FAM135B: variants seen among roughly 807,000 people sequenced by gnomAD.
FAM135B encodes the protein family with sequence similarity 135 member B.
In FAM135B, 43 loss-of-function variants were observed where a neutral mutation model predicts 127.7. The ratio of observed to expected loss-of-function variants is 0.34; its 90% confidence interval spans 0.26 to 0.43. FAM135B has a LOEUF of 0.43. Ranked by LOEUF, FAM135B falls within the 20% of genes least tolerant of loss-of-function variation. FAM135B has a pLI of 1.00. For missense variants in FAM135B, 1,558 were observed against 1,725.6 expected (o/e 0.90, Z 1.72); for synonymous variants, 670 against 665.1 (o/e 1.01, Z -0.11).
chr8:138,302,155 A>C (rs999343528), intron 3 of FAM135B, among the ~76,000 whole-genome samples: 1 of 129,934 alleles, frequency 7.7e-6, no homozygotes, highest in Non-Finnish European at 1.7e-5. Context: ...TATTATTATT[A>C]TTCCCATTTT....
At chr8:138,396,458 G>T (rs1202174986) in intron 1 of FAM135B, among the ~76,000 whole-genome samples, 1 of 152,182 alleles carries the variant, frequency 6.6e-6, no homozygotes, top group African/African-American at 2.4e-5. Context: ...CAGGGCAAGA[G>T]TGGTGTGAAA....
At chr8:138,186,964 T>C (rs1236921501) in intron 9 of FAM135B, among the ~76,000 whole-genome samples, 1 of 152,200 alleles carries the variant, frequency 6.6e-6, no homozygotes, top group African/African-American at 2.4e-5. Flanking sequence ...TCTGTGTCCA[T>C]TTAAAGCAAA....
intron 2 of FAM135B, among the ~76,000 whole-genome samples, chr8:138,316,410 C>T (rs1194086588): frequency 6.6e-6 from 1 of 151,822 alleles, no homozygotes; most frequent in African/African-American, 2.4e-5. Flanking sequence ...GGGAGAATGG[C>T]GTGAACCCGG....
At chr8:138,407,878 CA>C (rs1833615020) in intron 1 of FAM135B, among the ~76,000 whole-genome samples, 1 of 152,096 alleles carries the variant, frequency 6.6e-6, no homozygotes, top group Admixed American at 6.6e-5. Context: ...ACACCAAAAG[CA>C]ATGGCAACAA....
intron 1 of FAM135B, among the ~76,000 whole-genome samples, chr8:138,451,265 T>A (rs1194253073): frequency 6.6e-6 from 1 of 152,204 alleles, no homozygotes; most frequent in Non-Finnish European, 1.5e-5. Flanking sequence ...CCTTTTTGTT[T>A]AAGATGATCA....
At chr8:138,182,553 G>A (rs866305125) in intron 9 of FAM135B, among the ~76,000 whole-genome samples, 20 of 152,186 alleles carry the variant, frequency 1.3e-4, no homozygotes, top group Admixed American at 1.2e-3. Context: ...GCTCTGGGGA[G>A]CCAAACATAA....
At chr8:138,160,650 G>T (rs1368145231) in intron 12 of FAM135B, among the ~76,000 whole-genome samples, 6 of 151,128 alleles carry the variant, frequency 4.0e-5, no homozygotes, top group Admixed American at 2.0e-4. Context: ...CACCCGCCTC[G>T]GCCTCCCAAA....
chr8:138,274,882 T>C (rs1364377673), intron 3 of FAM135B, among the ~76,000 whole-genome samples: 1 of 147,838 alleles, frequency 6.8e-6, no homozygotes, highest in Non-Finnish European at 1.5e-5. Flanking sequence ...ATTATCCTGT[T>C]CTTTTTTTTT....
intron 10 of FAM135B, 80 bp from the exon 11 acceptor site, chr8:138,177,500 A>G: frequency 8.2e-7 from 1 of 1,225,538 alleles, no homozygotes; most frequent in East Asian, 2.5e-5. Flanking sequence ...ATTGAGGCTC[A>G]AAAAGATGAA....
intron 3 of FAM135B, among the ~76,000 whole-genome samples, chr8:138,308,220 C>T (rs1044723282): frequency 1.3e-5 from 2 of 152,208 alleles, no homozygotes; most frequent in African/African-American, 2.4e-5. Flanking sequence ...GCCCAGCTGT[C>T]GCTCATCTGG....
At chr8:138,294,645 G>T (rs899027151) in intron 3 of FAM135B, among the ~76,000 whole-genome samples, 12 of 152,196 alleles carry the variant, frequency 7.9e-5, no homozygotes, top group African/African-American at 2.9e-4. Context: ...TAATGAAATA[G>T]CAACATATTT....
At chr8:138,414,702 G>A (rs925964333) in intron 1 of FAM135B, among the ~76,000 whole-genome samples, 1 of 151,996 alleles carries the variant, frequency 6.6e-6, no homozygotes, top group East Asian at 1.9e-4. Flanking sequence ...AGTTTGATTG[G>A]ACTAAGAGAA....
Position 138,489,763 on chromosome 8 carries a change from T to A in FAM135B, c.-20+6908A>T, listed in dbSNP as rs555510542. Among the ~76,000 whole-genome samples the A allele has an allele frequency of 4.6e-5, 7 of 152,238 alleles. No individual in the cohort carries two copies. The East Asian group carries it at 1.4e-3, about 29-fold the overall frequency. ...CCACACATCCTACTGCCTGCAATACTCTCTCAACCCCTGCTCTCCACCCTG... is the reference window on the plus strand; with the variant it reads ...CCACACATCCTACTGCCTGCAATACACTCTCAACCCCTGCTCTCCACCCTG... On this transcript the variant is annotated intron_variant, in intron 1 of 19. Transcript: ENST00000395297.
chr8:138,309,851 C>T (rs1171222290), intron 3 of FAM135B, among the ~76,000 whole-genome samples: 3 of 127,602 alleles, frequency 2.4e-5, no homozygotes, highest in Non-Finnish European at 3.1e-5. Flanking sequence ...CTCTTTAAGT[C>T]TTTCTACTTT....
chr8:138,409,832 G>A (rs6577920), intron 1 of FAM135B, among the ~76,000 whole-genome samples: 42,363 of 143,300 alleles, frequency 0.3, 6,387 homozygotes, highest in Non-Finnish European at 0.32. Context: ...CCGAGATCGC[G>A]CCATTGCACT....
rs752123339 is a variant in FAM135B, at chr8:138,152,878, C to G, written c.1597G>C (p.Asp533His). The change falls in exon 13 of 20, where the codon GAT (aspartate) becomes CAT (histidine). Residue 533 changes from aspartate to histidine, a missense_variant. Transcript: ENST00000395297. ...GGACTCCTTCTAGAAGTATCCACATCTGCCACTGGATATGTCCCAGCATCA... is the reference window on the plus strand; with the variant it reads ...GGACTCCTTCTAGAAGTATCCACATGTGCCACTGGATATGTCCCAGCATCA... ...TSDAGTYPVA[D>H]VDTSRRSPGP... 1.2e-6 allele frequency: 2 copies of G among 1,614,210 alleles called. No homozygotes were observed.
At chr8:138,303,778 G>C (rs925457987) in intron 3 of FAM135B, among the ~76,000 whole-genome samples, 2 of 152,260 alleles carry the variant, frequency 1.3e-5, no homozygotes, top group Non-Finnish European at 2.9e-5. Flanking sequence ...GCTCCCAACA[G>C]GACAGGAAAT....
At chr8:138,389,572 G>A (rs980451694) in intron 1 of FAM135B, among the ~76,000 whole-genome samples, 8 of 152,112 alleles carry the variant, frequency 5.3e-5, no homozygotes, top group African/African-American at 1.9e-4. Flanking sequence ...AACACAAAAG[G>A]ACAAACACTG....
intron 3 of FAM135B, among the ~76,000 whole-genome samples, chr8:138,281,355 G>A (rs1824249157): frequency 6.6e-6 from 1 of 151,670 alleles, no homozygotes; most frequent in Non-Finnish European, 1.5e-5. Flanking sequence ...ACCTTGGTTG[G>A]GTGGCAACCA....
Sources: gnomAD v4.1 joint callset for allele counts (sites outside exome capture counted in the v4.1 genomes callset) on GRCh38, gnomAD v4.1.1 for gene constraint, MANE v1.5 for transcripts, NCBI Gene and HGNC (gene_info 2026-07-23, HGNC 2026-07-21) for gene names.